Variants in CACNA1B observed in about 807,000 individuals in gnomAD.
CACNA1B encodes calcium voltage-gated channel subunit alpha1 B.
In CACNA1B, 70 loss-of-function variants were observed where a neutral mutation model predicts 247.2. That is an observed-to-expected ratio of 0.28 (90% CI 0.23 to 0.35). The LOEUF is 0.35. CACNA1B is among the 10% of genes least tolerant of loss of function. The probability of loss-of-function intolerance (pLI) is 1.00; values close to 1 mark genes in which losing one functional copy is unlikely to be tolerated. For missense variants in CACNA1B, 2,367 were observed against 3,197.4 expected, an observed-to-expected ratio of 0.74 and a Z score of 6.26; for synonymous variants, 1,231 against 1,294.4, an observed-to-expected ratio of 0.95 and a Z score of 1.05.
At chr9:137,947,280 T>C (rs867191653) in intron 6 of CACNA1B, among the ~76,000 whole-genome samples, 62 of 152,182 alleles carry the variant, frequency 4.1e-4, no homozygotes, top group Admixed American at 3.1e-3. Flanking sequence ...TTCCATTTTT[T>C]CATCTGTGAC....
chr9:137,933,846 T>C (rs1168802346), intron 6 of CACNA1B, among the ~76,000 whole-genome samples: 1 of 152,134 alleles, frequency 6.6e-6, no homozygotes, highest in Admixed American at 6.5e-5. Context: ...TGATTGCTAG[T>C]AAGACATGGT....
rs571265299 is a variant in CACNA1B at position 137,922,954 on chromosome 9, T to G, written c.966+5523T>G. 1.1e-4 allele frequency among the ~76,000 whole-genome samples: 17 copies of G among 152,306 alleles called. No homozygotes were observed. The South Asian group carries it at 3.5e-3, about 32-fold the overall frequency. On this transcript the variant is annotated intron_variant, in intron 6 of 46. Coordinates refer to ENST00000371372, the MANE Select transcript of CACNA1B (RefSeq NM_000718.4). ...ATCTCTCCTGCCCTCGCCCCCTCCTTAATCCCCGGCAACCACTAATCTGTT... is the reference window on the plus strand; with the variant it reads ...ATCTCTCCTGCCCTCGCCCCCTCCTGAATCCCCGGCAACCACTAATCTGTT...
chr9:138,004,285 C>G (rs753608870), intron 15 of CACNA1B, among the ~76,000 whole-genome samples: 2 of 151,880 alleles, frequency 1.3e-5, no homozygotes, highest in African/African-American at 4.8e-5. Context: ...AGTGGCTCAC[C>G]CTGGTAATCT....
chr9:138,081,416 T>C (rs1960519992), intron 36 of CACNA1B, among the ~76,000 whole-genome samples: 1 of 152,228 alleles, frequency 6.6e-6, no homozygotes, highest in Non-Finnish European at 1.5e-5. Flanking sequence ...CCCTCACAGA[T>C]TGGACATGCT....
chr9:138,046,367 C>T (rs1475657518), intron 21 of CACNA1B, among the ~76,000 whole-genome samples: 1 of 152,230 alleles, frequency 6.6e-6, no homozygotes, highest in African/African-American at 2.4e-5. Flanking sequence ...CCCTGGGAGC[C>T]TGGACAGGGC....
In CACNA1B at chr9:138,122,197, C is replaced by A. The variant is rs1008000777; in HGVS notation, c.*198C>A. 1 of 598,556 alleles carries A rather than the reference C, an allele frequency of 1.7e-6. No homozygotes were observed. Among genetic ancestry groups the A allele is most frequent in the Non-Finnish European group, 3.0e-6 (1 of 337,146 alleles). The allele number at this position is 598,556 out of a possible 1,614,324, so 37.1% of individuals were successfully genotyped here. On this transcript the variant is annotated 3_prime_UTR_variant, in exon 47 of 47. Coordinates refer to ENST00000371372, the MANE Select transcript of CACNA1B (RefSeq NM_000718.4). ...GCCCTGTTAGAGGATGCGGCTCTCT[C>A]TGTCCCCTTCCTGTCCTGCCTTCCT...
chr9:138,038,058 G>A (rs1959068364), intron 20 of CACNA1B, among the ~76,000 whole-genome samples: 1 of 152,132 alleles, frequency 6.6e-6, no homozygotes, highest in Non-Finnish European at 1.5e-5. Context: ...GGTTCATTCT[G>A]TCCCTTTATT....
chr9:137,951,647 C>T lies in CACNA1B; in HGVS notation c.967-627C>T, dbSNP rs77358286. ...TGGAATCAAATTGGGTTCAAAGGAG[C>T]GCACCCTTTTGTGGGCTGTGCTATA... On this transcript the variant is annotated intron_variant, in intron 6 of 46. Transcript: ENST00000371372. Among the ~76,000 whole-genome samples, 33 of 152,314 alleles carry T rather than the reference C, an allele frequency of 2.2e-4. 1 individual carries two copies. The South Asian group carries it at 4.6e-3, about 21-fold the overall frequency.
At position 137,955,655 on chromosome 9, in the gene CACNA1B, C is replaced by A; in HGVS notation, c.1071-43C>A. 1 of 1,312,610 alleles carries A rather than the reference C, an allele frequency of 7.6e-7. No homozygotes were observed. 81.3% of individuals were successfully genotyped at this position (1,312,610 alleles called of 1,614,324 possible). On this transcript the variant is annotated intron_variant, in intron 7 of 46. Coordinates refer to ENST00000371372, the MANE Select transcript of CACNA1B (RefSeq NM_000718.4). The surrounding 1 kb of genome is among the most constrained non-coding windows in gnomAD (Gnocchi z 6.9). The stretch of plus-strand genomic sequence containing the variant: ...TCTCTGGGGCTGCACACCTGTGGGG[C>A]TTGCACTCACCTGATCTTGCTTTTC...
Position 137,961,882 on chromosome 9 carries a change from T to C in CACNA1B, c.1333+4195T>C, listed in dbSNP as rs189554349. Among the ~76,000 whole-genome samples the C allele has an allele frequency of 1.4e-3, 214 of 152,360 alleles. 1 individual carries two copies. The highest frequency in any genetic ancestry group is 3.8e-3 in the Admixed American group (58 of 15,306). The stretch of plus-strand genomic sequence containing the variant: ...CTGTCAGGTTTTGGTATGAGGATGA[T>C]GCTGGTCTCATAGAATGAGTTAGGG... On this transcript the variant is annotated intron_variant, in intron 10 of 46. Transcript: ENST00000371372.
chr9:138,044,370 C>G (rs1959167499), intron 21 of CACNA1B, among the ~76,000 whole-genome samples: 2 of 152,272 alleles, frequency 1.3e-5, no homozygotes, highest in Non-Finnish European at 2.9e-5. Context: ...CTGTGGCAGA[C>G]AGCACTCTAG....
chr9:138,073,962 TG>T lies in CACNA1B; in HGVS notation c.4792-36del. The T allele has an allele frequency of 6.4e-7, 1 of 1,570,506 alleles. No individual in the cohort carries two copies. Among genetic ancestry groups the T allele is most frequent in the Non-Finnish European group, 8.7e-7 (1 of 1,146,298 alleles). ...TAGCAGGAGGCCTGGGCGTGGTGGC[TG>T]GGAGGTGCCTGTAGCTGACCGGCCC... On this transcript the variant is annotated intron_variant, in intron 33 of 46. Transcript: ENST00000371372. This position sits in a 1 kb window ranked among gnomAD's most constrained non-coding sequence, Gnocchi z 6.4.
intron 6 of CACNA1B, among the ~76,000 whole-genome samples, chr9:137,945,968 A>G (rs1318458871): frequency 6.6e-6 from 1 of 152,046 alleles, no homozygotes; most frequent in East Asian, 1.9e-4. Context: ...ACAGGCGTGC[A>G]TCACTGTGCC....
rs1962131085 is a variant in CACNA1B at position 138,122,334 on chromosome 9, G to T, written c.*335G>T. On this transcript the variant is annotated 3_prime_UTR_variant, in exon 47 of 47. Coordinates refer to ENST00000371372, the MANE Select transcript of CACNA1B (RefSeq NM_000718.4). The stretch of plus-strand genomic sequence containing the variant: ...GACTCAGCATCCAGCATGGGTGCTT[G>T]GAGCCGTTGTGAGGAGCTCTGCGTC... 2 of 367,122 alleles carry T rather than the reference G, an allele frequency of 5.4e-6. No individual in the cohort carries two copies. The highest frequency in any genetic ancestry group is 4.3e-5 in the South Asian group (1 of 23,512). The allele number at this position is 367,122 out of a possible 1,614,324, so 22.7% of individuals were successfully genotyped here. A position where few individuals can be genotyped will look rare whatever the true frequency, so the allele number is the denominator to read the frequency against.
chr9:138,021,061 G>A (rs1388571757), intron 18 of CACNA1B, among the ~76,000 whole-genome samples: 1 of 152,194 alleles, frequency 6.6e-6, no homozygotes, highest in Admixed American at 6.5e-5. Flanking sequence ...AACAGCCTCC[G>A]CCCTCACAGG....
Position 138,122,096 on chromosome 9 carries a change from C to A in CACNA1B, c.*97C>A, listed in dbSNP as rs762633760. 3 of 1,128,618 alleles carry A rather than the reference C, an allele frequency of 2.7e-6. No individual in the cohort carries two copies. The highest frequency in any genetic ancestry group is 3.7e-6 in the Non-Finnish European group (3 of 812,626). The allele number at this position is 1,128,618 out of a possible 1,614,324, so 69.9% of individuals were successfully genotyped here. A position where few individuals can be genotyped will look rare whatever the true frequency, so the allele number is the denominator to read the frequency against. ...CGGGGCAGCCGGCCCTCGGGGGAGGCCTTGCCCACCTTGGTGAGGCTCCTG... is the reference window on the plus strand; with the variant it reads ...CGGGGCAGCCGGCCCTCGGGGGAGGACTTGCCCACCTTGGTGAGGCTCCTG... On this transcript the variant is annotated 3_prime_UTR_variant, in exon 47 of 47. Transcript: ENST00000371372.
rs560624592 is a variant in CACNA1B, at chr9:138,057,387, G to A, written c.3969-345G>A. 3.3e-5 allele frequency among the ~76,000 whole-genome samples: 5 copies of A among 152,118 alleles called. No homozygotes were observed. Among genetic ancestry groups the A allele is most frequent in the Middle Eastern group, 3.4e-3 (1 of 294 alleles). On this transcript the variant is annotated intron_variant, in intron 26 of 46. Transcript: ENST00000371372. This position sits in a 1 kb window ranked among gnomAD's most constrained non-coding sequence, Gnocchi z 4.0. ...AGCACAGAAGTGTCCGATTTGATGC[G>A]GCCTGATTTATCTGTATTTTTTATT... is the stretch of plus-strand genomic sequence containing the variant.
intron 15 of CACNA1B, among the ~76,000 whole-genome samples, chr9:138,006,479 ACCT>A (rs1219888363): frequency 5.9e-5 from 9 of 151,898 alleles, no homozygotes; most frequent in Admixed American, 2.0e-4. Context: ...GCCTCTGCCC[ACCT>A]CCTTCTCCTG....
chr9:138,114,544 GC>G (rs1961787288), intron 41 of CACNA1B, 54 bp downstream of exon 41: 1 of 885,048 alleles, frequency 1.1e-6, no homozygotes, highest in South Asian at 1.4e-5. Context: ...CGAGGCTCTG[GC>G]ATCCTTCGGG....
Sources: gnomAD v4.1 joint callset for allele counts (sites outside exome capture counted in the v4.1 genomes callset) on GRCh38, gnomAD v4.1.1 for gene constraint, Gnocchi (gnomAD v3.1) non-coding constraint, MANE v1.5 for transcripts, NCBI Gene and HGNC (gene_info 2026-07-23, HGNC 2026-07-21) for gene names.